The following DCDC1 variants were observed in gnomAD, a reference collection of about 807,000 sequenced individuals.
The protein encoded by DCDC1 is doublecortin domain containing 1.
A neutral mutation model predicts 178.3 loss-of-function variants in DCDC1; 200 were observed. The observed-to-expected ratio is 1.12, with a 90% confidence interval of 1.00 to 1.26. The LOEUF is 1.26. DCDC1 is among the 50% of genes most tolerant of loss of function. The pLI, the probability that DCDC1 is intolerant of heterozygous loss-of-function variation, is 0.00. For missense variants in DCDC1, 1,983 were observed against 1,749.2 expected, an observed-to-expected ratio of 1.13 and a Z score of -2.38; for synonymous variants, 690 against 604.8, an observed-to-expected ratio of 1.14 and a Z score of -2.07.
chr11:30,869,128 C>G (rs142722601), intron 38 of DCDC1, among the ~76,000 whole-genome samples: 1 of 152,290 alleles, frequency 6.6e-6, no homozygotes, highest in Non-Finnish European at 1.5e-5. Context: ...AAAGTGTTTT[C>G]CACTCTTTCA....
At chr11:31,305,508 G>C in intron 6 of DCDC1, 107 bp downstream of exon 6, 4 of 1,414,264 alleles carry the variant, frequency 2.8e-6, no homozygotes, top group South Asian at 1.4e-5. Context: ...GTAAACATTA[G>C]TTTTGTTAAA....
At chr11:31,232,194 C>T (rs1975853659) in intron 9 of DCDC1, among the ~76,000 whole-genome samples, 1 of 152,226 alleles carries the variant, frequency 6.6e-6, no homozygotes, top group African/African-American at 2.4e-5. Flanking sequence ...ATCACCAGAT[C>T]ATGCCCCCAA....
intron 21 of DCDC1, among the ~76,000 whole-genome samples, chr11:30,942,921 C>T (rs1374052968): frequency 6.6e-6 from 1 of 152,212 alleles, no homozygotes; most frequent in Non-Finnish European, 1.5e-5. Flanking sequence ...TGCTTTAATT[C>T]TCGTTCTGGT....
rs182653198 is a variant in DCDC1 at position 31,110,246 on chromosome 11, G to T, written c.1587+14C>A. 2.7e-3 allele frequency: 1,914 copies of T among 702,836 alleles called. 6 individuals carry two copies. Among genetic ancestry groups the T allele is most frequent in the Non-Finnish European group, 3.8e-3 (1,439 of 383,514 alleles). 43.5% of individuals were successfully genotyped at this position (702,836 alleles called of 1,614,324 possible). A position where few individuals can be genotyped will look rare whatever the true frequency, so the allele number is the denominator to read the frequency against. On this transcript the variant is annotated intron_variant, in intron 12 of 38. Transcript: ENST00000684477. ...AGACACTTAAAGTCATAAGTAAACT[G>T]TCAGTAAACTCACTCTTTCCATCAT...
At position 30,864,530 on chromosome 11, in the gene DCDC1, C is replaced by G. The variant is rs1420514970; in HGVS notation, c.*843G>C. 1.3e-5 allele frequency: 2 copies of G among 152,226 alleles called. No individual in the cohort carries two copies. Among genetic ancestry groups the G allele is most frequent in the African/African-American group, 4.8e-5 (2 of 41,468 alleles). The allele number at this position is 152,226 out of a possible 1,614,324, so 9.4% of individuals were successfully genotyped here. A position where few individuals can be genotyped will look rare whatever the true frequency, so the allele number is the denominator to read the frequency against. On this transcript the variant is annotated 3_prime_UTR_variant, in exon 39 of 39. Coordinates refer to ENST00000684477, the MANE Select transcript of DCDC1 (RefSeq NM_001387274.1). ...AATTCTATAAAGCAGATCCTCTATTCCCATTGTACTGTTGTAATTTTGGTT... is the reference window on the plus strand; with the variant it reads ...AATTCTATAAAGCAGATCCTCTATTGCCATTGTACTGTTGTAATTTTGGTT...
chr11:31,009,438 TTGTGTGTG>T (rs139389381), intron 20 of DCDC1, among the ~76,000 whole-genome samples: 25 of 144,424 alleles, frequency 1.7e-4, no homozygotes, highest in African/African-American at 4.1e-4. Flanking sequence ...CACAGTTTCT[TTGTGTGTG>T]TGTGTGTGTG....
intron 6 of DCDC1, among the ~76,000 whole-genome samples, chr11:31,293,786 C>T (rs1031799018): frequency 2.0e-5 from 3 of 152,182 alleles, no homozygotes; most frequent in African/African-American, 4.8e-5. Flanking sequence ...TGCCCAAGAT[C>T]ATACAACTGG....
chr11:31,249,648 T>C (rs1433659478), intron 8 of DCDC1, among the ~76,000 whole-genome samples: 1 of 152,166 alleles, frequency 6.6e-6, no homozygotes, highest in Non-Finnish European at 1.5e-5. Flanking sequence ...ACTGGCTGCC[T>C]TTGTGTATAC....
chr11:31,180,285 C>G (rs1968611395), intron 9 of DCDC1, among the ~76,000 whole-genome samples: 1 of 152,096 alleles, frequency 6.6e-6, no homozygotes, highest in Non-Finnish European at 1.5e-5. Context: ...AGAAGACAGG[C>G]TTTTGAATAT....
intron 11 of DCDC1, among the ~76,000 whole-genome samples, chr11:31,123,944 T>C (rs1184811891): frequency 6.6e-6 from 1 of 152,132 alleles, no homozygotes; most frequent in Non-Finnish European, 1.5e-5. Flanking sequence ...GTGGCTACTT[T>C]ACTAGACAGC....
intron 20 of DCDC1, among the ~76,000 whole-genome samples, chr11:31,038,096 C>T (rs1954198441): frequency 6.7e-6 from 1 of 149,410 alleles, no homozygotes; most frequent in African/African-American, 2.5e-5. Context: ...GGAGGGATAG[C>T]ATTAGGAGAT....
At chr11:30,942,374 G>C (rs1206774691) in intron 21 of DCDC1, among the ~76,000 whole-genome samples, 1 of 152,134 alleles carries the variant, frequency 6.6e-6, no homozygotes, top group Non-Finnish European at 1.5e-5. Flanking sequence ...ACTAGTTTCA[G>C]TCATAAAAGA....
intron 20 of DCDC1, among the ~76,000 whole-genome samples, chr11:31,024,634 C>T (rs1953104028): frequency 6.6e-6 from 1 of 151,842 alleles, no homozygotes; most frequent in Non-Finnish European, 1.5e-5. Context: ...CATCCAGAGG[C>T]AGCCACTCCA....
chr11:31,315,429 C>T lies in DCDC1; in HGVS notation c.165-7521G>A, dbSNP rs578015101. ...TCGGCTCACTGCAAGCTCCACCTCC[C>T]AGGTTCACGCCATCCTCCTGCCTCA... On this transcript the variant is annotated intron_variant, in intron 3 of 38. Transcript: ENST00000684477. Among the ~76,000 whole-genome samples the T allele has an allele frequency of 2.0e-5, 3 of 147,910 alleles. No individual in the cohort carries two copies. The Admixed American group carries it at 2.1e-4, about 10-fold the overall frequency.
At chr11:30,955,940 T>C (rs977969821) in intron 20 of DCDC1, among the ~76,000 whole-genome samples, 1 of 152,174 alleles carries the variant, frequency 6.6e-6, no homozygotes, top group Admixed American at 6.5e-5. Flanking sequence ...ATGAATGAAA[T>C]TGCTACAAAT....
At chr11:31,117,767 G>A (rs548209420) in intron 11 of DCDC1, among the ~76,000 whole-genome samples, 3 of 151,446 alleles carry the variant, frequency 2.0e-5, no homozygotes, top group Non-Finnish European at 4.4e-5. Context: ...ATATGAAAAT[G>A]TTTAAAACTT....
At chr11:31,125,506 C>T (rs917000829) in intron 11 of DCDC1, among the ~76,000 whole-genome samples, 1 of 152,050 alleles carries the variant, frequency 6.6e-6, no homozygotes, top group African/African-American at 2.4e-5. Context: ...TTTACAATAG[C>T]GAAGACATGG....
At chr11:31,171,311 G>A (rs573648280) in intron 9 of DCDC1, among the ~76,000 whole-genome samples, 63 of 150,770 alleles carry the variant, frequency 4.2e-4, no homozygotes, top group African/African-American at 1.5e-3. Context: ...CAATTCTGGT[G>A]TTGTAACACA....
At chr11:31,332,829 G>T (rs1950068222) in intron 2 of DCDC1, among the ~76,000 whole-genome samples, 1 of 152,190 alleles carries the variant, frequency 6.6e-6, no homozygotes, top group Admixed American at 6.5e-5. Flanking sequence ...AATAACTCCA[G>T]TGTGGTGCTG....
Sources: allele counts gnomAD v4.1 joint callset (sites outside exome capture counted in the v4.1 genomes callset), GRCh38; gene constraint gnomAD v4.1.1; transcripts MANE v1.5; gene names NCBI Gene and HGNC (gene_info 2026-07-23, HGNC 2026-07-21).